The following NOL4L variants were observed in gnomAD, a reference collection of about 807,000 sequenced individuals.
The protein encoded by NOL4L is nucleolar protein 4 like, also known as nucleolar protein 4-like.
A neutral mutation model predicts 64.5 loss-of-function variants in NOL4L; 7 were observed. That is an observed-to-expected ratio of 0.11 (90% confidence interval 0.06 to 0.20). The LOEUF is 0.20. Among genes scored for constraint, NOL4L ranks in the 10% least tolerant of loss-of-function variants. The pLI, the probability that NOL4L is intolerant of heterozygous loss-of-function variation, is 1.00. For missense variants in NOL4L, 680 were observed against 967.1 expected (o/e 0.70, Z 3.94); for synonymous variants, 413 against 401.0 (o/e 1.03, Z -0.36).
rs758079800 is a variant in NOL4L at position 32,443,473 on chromosome 20, G to A, written c.*4123C>T. ...ATTTAGAGGTGAAGCCATTAATAGA[G>A]TCACCTTTAAAAGTTGGTGCCATCC... is the stretch of plus-strand genomic sequence containing the variant. On this transcript the variant is annotated 3_prime_UTR_variant, in exon 11 of 11. Coordinates refer to ENST00000621426, the MANE Select transcript of NOL4L (RefSeq NM_001256798.2). The A allele has an allele frequency of 2.0e-5, 3 of 152,332 alleles. No individual in the cohort carries two copies. Among genetic ancestry groups the A allele is most frequent in the Admixed American group, 6.5e-5 (1 of 15,294 alleles). The allele number at this position is 152,332 out of a possible 1,614,324, so 9.4% of individuals were successfully genotyped here.
In NOL4L at chr20:32,444,831, A is replaced by AGAAG; in HGVS notation, c.*2761_*2764dup. On this transcript the variant is annotated 3_prime_UTR_variant, in exon 11 of 11. Coordinates refer to ENST00000621426, the MANE Select transcript of NOL4L (RefSeq NM_001256798.2). ...AAGGGCTTTGGGAGCTCCTTTTGGGAGAAGGCAGTCCCTCTGGTGAGGGTG... is the reference window on the plus strand; with the variant it reads ...AAGGGCTTTGGGAGCTCCTTTTGGGAGAAGGAAGGCAGTCCCTCTGGTGAGGGTG... 6.6e-6 allele frequency: 1 copy of AGAAG among 152,308 alleles called. No individual in the cohort carries two copies. The highest frequency in any genetic ancestry group is 2.1e-4 in the South Asian group (1 of 4,818). The allele number at this position is 152,308 out of a possible 1,614,324, so 9.4% of individuals were successfully genotyped here.
chr20:32,556,315 G>A (rs1446533979), intron 1 of NOL4L, among the ~76,000 whole-genome samples: 1 of 151,914 alleles, frequency 6.6e-6, no homozygotes, highest in Non-Finnish European at 1.5e-5. Context: ...GCTCTGTCAG[G>A]CTCAGTTTTG....
At chr20:32,564,321 C>T (rs372288079) in intron 1 of NOL4L, among the ~76,000 whole-genome samples, 25 of 152,328 alleles carry the variant, frequency 1.6e-4, no homozygotes, top group African/African-American at 2.9e-4. Flanking sequence ...ATCTTCTGGA[C>T]GCTCTGCGTG....
intron 1 of NOL4L, among the ~76,000 whole-genome samples, chr20:32,531,649 G>A (rs1006265265): frequency 1.3e-5 from 2 of 152,094 alleles, no homozygotes; most frequent in Non-Finnish European, 1.5e-5. Context: ...CACTGTGCCC[G>A]GCCTATTTTT....
intron 5 of NOL4L, among the ~76,000 whole-genome samples, chr20:32,473,952 C>T (rs1278231549): frequency 6.6e-6 from 1 of 152,192 alleles, no homozygotes; most frequent in Non-Finnish European, 1.5e-5. Context: ...TGGGGGAGTC[C>T]ACGTGGAGGC....
intron 2 of NOL4L, among the ~76,000 whole-genome samples, chr20:32,525,679 C>A (rs1014542633): frequency 6.6e-6 from 1 of 152,202 alleles, no homozygotes; most frequent in Non-Finnish European, 1.5e-5. Flanking sequence ...ACTGCAGCCT[C>A]AAGCAATCCT....
chr20:32,564,721 G>C (rs1276415662), intron 1 of NOL4L, among the ~76,000 whole-genome samples: 6 of 152,256 alleles, frequency 3.9e-5, no homozygotes, highest in Non-Finnish European at 5.9e-5. Flanking sequence ...ACTGGGGAAA[G>C]TATGTCTGGC....
chr20:32,483,366 G>C, intron 4 of NOL4L: 1 of 984,960 alleles, frequency 1.0e-6, no homozygotes, highest in Non-Finnish European at 1.2e-6. Flanking sequence ...CCGTACCTGG[G>C]CTGGAAGCGA....
intron 4 of NOL4L, among the ~76,000 whole-genome samples, chr20:32,490,144 A>AACAAAAC (rs543768294): frequency 1.6e-5 from 2 of 122,208 alleles, no homozygotes; most frequent in African/African-American, 3.2e-5. Context: ...AAAAAAAAAA[A>AACAAAAC]ATATATATAC....
At chr20:32,493,521 G>A (rs1164381084) in intron 4 of NOL4L, among the ~76,000 whole-genome samples, 1 of 152,152 alleles carries the variant, frequency 6.6e-6, no homozygotes, top group Non-Finnish European at 1.5e-5. Flanking sequence ...GACTCTCCAA[G>A]CCTTGGTTTC....
At chr20:32,498,105 G>A (rs905320494) in intron 4 of NOL4L, among the ~76,000 whole-genome samples, 29 of 152,326 alleles carry the variant, frequency 1.9e-4, no homozygotes, top group African/African-American at 6.5e-4. Flanking sequence ...GGAGCTGCTG[G>A]GGACAATGAG....
intron 1 of NOL4L, chr20:32,535,560 T>A: frequency 2.0e-5 from 20 of 985,184 alleles, no homozygotes; most frequent in Non-Finnish European, 2.4e-5. Flanking sequence ...ACCTCCTTTC[T>A]GCTTCGCTGA....
rs1051976657 is a variant in NOL4L, at chr20:32,475,542, C to T, written c.700-800G>A. 4.6e-5 allele frequency among the ~76,000 whole-genome samples: 7 copies of T among 152,376 alleles called. No homozygotes were observed. In the East Asian group the frequency reaches 5.8e-4, roughly 13 times the overall value. The stretch of plus-strand genomic sequence containing the variant: ...CCTTGGCCAGTCATCCGGGAACCCC[C>T]GGGGCGGGGCCCCTTCAACCCAGCC... On this transcript the variant is annotated intron_variant, in intron 4 of 10. Transcript: ENST00000621426.
chr20:32,522,374 C>A (rs2017976779), intron 2 of NOL4L, among the ~76,000 whole-genome samples: 1 of 152,236 alleles, frequency 6.6e-6, no homozygotes, highest in African/African-American at 2.4e-5. Flanking sequence ...CAAGGGCAAA[C>A]CCCAGTGTCT....
chr20:32,454,591 CCA>C (rs2013288775), intron 6 of NOL4L, among the ~76,000 whole-genome samples: 1 of 152,252 alleles, frequency 6.6e-6, no homozygotes, highest in African/African-American at 2.4e-5. Flanking sequence ...GGCTCAGCTC[CCA>C]CACCACCTGT....
intron 1 of NOL4L, among the ~76,000 whole-genome samples, chr20:32,561,401 A>G (rs761846247): frequency 1.3e-5 from 2 of 152,218 alleles, no homozygotes; most frequent in African/African-American, 4.8e-5. Context: ...CTTCCCTGAC[A>G]AAAAACGAGG....
Position 32,474,737 on chromosome 20 carries a change from C to A in NOL4L, c.705G>T (p.Glu235Asp), listed in dbSNP as rs2015269661. Residue 235 changes from glutamate to aspartate, a missense_variant, in exon 5 of 11, where the codon GAG (glutamate) becomes GAT (aspartate). Glu to Asp is a conservative substitution (Grantham distance 45). Around this residue, in one of 4 missense-constraint regions of NOL4L, gnomAD observed 181 missense variants for 335.2 expected, o/e 0.54. Transcript: ENST00000621426. The part of the protein sequence containing the change: ...LRVMNSQEQD[E>D]TSVSSEDFDM... Reference sequence around the variant, plus strand: ...CAAAATCCTCGCTGCTCACAGAAGTCTCATCCTGAGCAGGGACAAAGAAGG... The same window carrying A: ...CAAAATCCTCGCTGCTCACAGAAGTATCATCCTGAGCAGGGACAAAGAAGG... 1 of 1,609,842 alleles carries A rather than the reference C, an allele frequency of 6.2e-7. No individual in the cohort carries two copies. Among genetic ancestry groups the A allele is most frequent in the South Asian group, 1.1e-5 (1 of 90,562 alleles).
At chr20:32,559,021 C>T (rs1407115112) in intron 1 of NOL4L, among the ~76,000 whole-genome samples, 2 of 152,180 alleles carry the variant, frequency 1.3e-5, no homozygotes, top group African/African-American at 4.8e-5. Context: ...GATGTGTAAA[C>T]TGAGGCCAGA....
At chr20:32,518,604 G>A (rs2017781689) in intron 3 of NOL4L, among the ~76,000 whole-genome samples, 1 of 152,260 alleles carries the variant, frequency 6.6e-6, no homozygotes, top group Non-Finnish European at 1.5e-5. Flanking sequence ...CCCACAAATG[G>A]AGCCCCTCTT....
Sources: gnomAD v4.1 joint callset for allele counts (sites outside exome capture counted in the v4.1 genomes callset) on GRCh38, gnomAD v4.1.1 for gene constraint, gnomAD v4.1.1 regional missense constraint, MANE v1.5 for transcripts, NCBI Gene and HGNC (gene_info 2026-07-23, HGNC 2026-07-21) for gene names.